Variants in PARD3 observed in about 807,000 individuals in gnomAD.
PARD3 encodes partitioning defective 3 homolog.
A neutral mutation model predicts 155.4 loss-of-function variants in PARD3; 75 were observed. The ratio of observed to expected loss-of-function variants is 0.48; its 90% CI spans 0.40 to 0.58. The LOEUF is 0.58. Ranked by LOEUF, PARD3 falls within the 20% of genes least tolerant of loss-of-function variation. The probability of loss-of-function intolerance (pLI) is 0.00; values close to 1 mark genes in which losing one functional copy is unlikely to be tolerated. For missense variants in PARD3, 1,642 were observed against 1,721.7 expected (o/e 0.95, Z 0.82); for synonymous variants, 576 against 610.5 (o/e 0.94, Z 0.83).
At chr10:34,174,544 C>T (rs1260134746) in intron 22 of PARD3, among the ~76,000 whole-genome samples, 1 of 152,148 alleles carries the variant, frequency 6.6e-6, no homozygotes, top group Non-Finnish European at 1.5e-5. Context: ...AACCCTGGTG[C>T]TTAGTGCACA....
chr10:34,686,820 G>C (rs893693508), intron 2 of PARD3, among the ~76,000 whole-genome samples: 4 of 151,998 alleles, frequency 2.6e-5, no homozygotes, highest in African/African-American at 9.7e-5. Flanking sequence ...AGGCTGAGGA[G>C]GGTGGATCAG....
At chr10:34,541,112 G>C (rs1326284497) in intron 2 of PARD3, among the ~76,000 whole-genome samples, 1 of 152,158 alleles carries the variant, frequency 6.6e-6, no homozygotes, top group Non-Finnish European at 1.5e-5. Flanking sequence ...AGAAAATTGT[G>C]ACTGATTTTT....
At chr10:34,279,151 T>C (rs1365150008) in intron 21 of PARD3, among the ~76,000 whole-genome samples, 1 of 145,472 alleles carries the variant, frequency 6.9e-6, no homozygotes, top group Non-Finnish European at 1.5e-5. Context: ...CTTTTTTTTT[T>C]TTTTTTTTTT....
intron 3 of PARD3, among the ~76,000 whole-genome samples, chr10:34,494,982 A>C (rs1425700439): frequency 1.3e-5 from 2 of 152,150 alleles, no homozygotes; most frequent in African/African-American, 4.8e-5. Context: ...CACACTAGGA[A>C]AAACCTCTTC....
rs1041841426 is a variant in PARD3 at position 34,135,785 on chromosome 10, T to TA, written c.3420-4203dup. Reference sequence around the variant, plus strand: ...TATGAGAACCATTCAAAGAGCTTGTTAAAAAAATACTGATTGCCAAGGCTT... The same window carrying TA: ...TATGAGAACCATTCAAAGAGCTTGTTAAAAAAAATACTGATTGCCAAGGCTT... On this transcript the variant is annotated intron_variant, in intron 22 of 24. Transcript: ENST00000374788. 6.4e-4 allele frequency among the ~76,000 whole-genome samples: 98 copies of TA among 152,246 alleles called. 1 individual carries two copies. The highest frequency in any genetic ancestry group is 2.2e-3 in the African/African-American group (93 of 41,540).
rs190881689 is a variant in PARD3 at position 34,170,922 on chromosome 10, C to T, written c.3420-39339G>A. 3.5e-4 allele frequency among the ~76,000 whole-genome samples: 53 copies of T among 152,234 alleles called. 1 individual carries two copies. In the South Asian group the frequency reaches 7.5e-3, roughly 21 times the overall value. On this transcript the variant is annotated intron_variant, in intron 22 of 24. Transcript: ENST00000374788. ...GCTCCCTGGAATAATGTGCTAGACG[C>T]GGAATTCAAATGCTCTTTCATTTAC...
chr10:34,729,777 G>A (rs1213902163), intron 1 of PARD3, among the ~76,000 whole-genome samples: 1 of 152,160 alleles, frequency 6.6e-6, no homozygotes, highest in Non-Finnish European at 1.5e-5. Context: ...GTCTCCTGGA[G>A]GAGCCGGAAA....
chr10:34,803,711 T>C lies in PARD3; in HGVS notation c.120+11165A>G, dbSNP rs541837770. Among the ~76,000 whole-genome samples the C allele has an allele frequency of 2.0e-5, 3 of 151,670 alleles. No homozygotes were observed. The Middle Eastern group carries it at 0.01, about 516-fold the overall frequency. ...CCAGCTACTTGGGAGGCTGAGGTTG[T>C]AGAATTGCTTGAACCCAGGAGGTGG... is the stretch of plus-strand genomic sequence containing the variant. On this transcript the variant is annotated intron_variant, in intron 1 of 24. Transcript: ENST00000374788.
chr10:34,290,598 A>G (rs1956630730), intron 20 of PARD3, among the ~76,000 whole-genome samples: 2 of 152,340 alleles, frequency 1.3e-5, no homozygotes, highest in East Asian at 1.9e-4. Context: ...GGCGTGGTCA[A>G]TATAGTCACT....
intron 3 of PARD3, among the ~76,000 whole-genome samples, chr10:34,471,829 G>A (rs2078367836): frequency 6.6e-6 from 1 of 152,194 alleles, no homozygotes. Flanking sequence ...AAAGTGCTGG[G>A]ATTACAGGCG....
At chr10:34,710,435 C>G (rs549398519) in intron 1 of PARD3, among the ~76,000 whole-genome samples, 61 of 56,260 alleles carry the variant, frequency 1.1e-3, no homozygotes, top group African/African-American at 4.2e-3. Flanking sequence ...TTTCCCATCT[C>G]TTCCTCTCCT....
At chr10:34,789,437 C>G (rs1178035985) in intron 1 of PARD3, among the ~76,000 whole-genome samples, 1 of 152,132 alleles carries the variant, frequency 6.6e-6, no homozygotes, top group Non-Finnish European at 1.5e-5. Context: ...ATGACTCACA[C>G]CTGTAATCGA....
At chr10:34,538,806 A>G (rs1055237534) in intron 2 of PARD3, among the ~76,000 whole-genome samples, 7 of 152,230 alleles carry the variant, frequency 4.6e-5, no homozygotes, top group African/African-American at 1.4e-4. Context: ...CAATGATCCA[A>G]GTAGGAGATC....
At chr10:34,783,929 C>T (rs1308396986) in intron 1 of PARD3, among the ~76,000 whole-genome samples, 2 of 152,102 alleles carry the variant, frequency 1.3e-5, no homozygotes, top group Admixed American at 1.3e-4. Context: ...GTATTCTAGG[C>T]CAGGTACAGT....
intron 2 of PARD3, among the ~76,000 whole-genome samples, chr10:34,645,886 C>T (rs1002169377): frequency 6.6e-6 from 1 of 152,106 alleles, no homozygotes; most frequent in Non-Finnish European, 1.5e-5. Context: ...TTTTTAGATA[C>T]CATTTTACTA....
chr10:34,601,254 C>CTTA (rs886618415), intron 2 of PARD3, among the ~76,000 whole-genome samples: 1 of 141,792 alleles, frequency 7.1e-6, no homozygotes, highest in Non-Finnish European at 1.5e-5. Flanking sequence ...CAGCAAGACT[C>CTTA]TTATCTCTAC....
intron 1 of PARD3, among the ~76,000 whole-genome samples, chr10:34,701,389 C>A (rs895997525): frequency 6.9e-6 from 1 of 145,094 alleles, no homozygotes; most frequent in Non-Finnish European, 1.5e-5. Flanking sequence ...CAAGCATAAT[C>A]GCACAAAGAC....
In PARD3 at chr10:34,161,584, T is replaced by C. The variant is rs144084273; in HGVS notation, c.3420-30001A>G. Among the ~76,000 whole-genome samples, 533 of 152,288 alleles carry C rather than the reference T, an allele frequency of 3.5e-3. 5 individuals are homozygous for C. The highest frequency in any genetic ancestry group is 0.012 in the African/African-American group (508 of 41,570). ...CTCTGAAGAACCTCTAACTTCATTATAATCTAATTTCCATGCTAAATGACA... is the reference window on the plus strand; with the variant it reads ...CTCTGAAGAACCTCTAACTTCATTACAATCTAATTTCCATGCTAAATGACA... On this transcript the variant is annotated intron_variant, in intron 22 of 24. Coordinates refer to ENST00000374788, the MANE Select transcript of PARD3 (RefSeq NM_001184785.2).
intron 1 of PARD3, among the ~76,000 whole-genome samples, chr10:34,740,387 C>A (rs1426328507): frequency 6.6e-6 from 1 of 152,252 alleles, no homozygotes; most frequent in Non-Finnish European, 1.5e-5. Context: ...TCCCTGTCAA[C>A]AAACATATCC....
Sources: allele counts gnomAD v4.1 joint callset (sites outside exome capture counted in the v4.1 genomes callset), GRCh38; gene constraint gnomAD v4.1.1; transcripts MANE v1.5; gene names NCBI Gene and HGNC (gene_info 2026-07-23, HGNC 2026-07-21).